Variants in ADGRL2 observed in about 807,000 individuals in gnomAD.
ADGRL2 encodes the protein adhesion G protein-coupled receptor L2.
A neutral mutation model predicts 157.4 loss-of-function variants in ADGRL2; 44 were observed. That is an observed-to-expected ratio of 0.28 (90% CI 0.22 to 0.36). ADGRL2 has a LOEUF of 0.36. Among genes scored for constraint, ADGRL2 ranks in the 10% least tolerant of loss-of-function variants. The probability of loss-of-function intolerance (pLI) is 1.00; values close to 1 mark genes in which losing one functional copy is unlikely to be tolerated. For missense variants in ADGRL2, 1,510 were observed against 1,768.9 expected, an observed-to-expected ratio of 0.85 and a Z score of 2.63; for synonymous variants, 585 against 624.7, an observed-to-expected ratio of 0.94 and a Z score of 0.95.
At chr1:81,367,502 A>C (rs1308994880) in intron 1 of ADGRL2, among the ~76,000 whole-genome samples, 1 of 152,188 alleles carries the variant, frequency 6.6e-6, no homozygotes, top group Admixed American at 6.6e-5. Flanking sequence ...TAGTTTGCCA[A>C]GGATAACCAT....
intron 2 of ADGRL2, among the ~76,000 whole-genome samples, chr1:81,843,950 C>T (rs1020879701): frequency 2.6e-5 from 4 of 152,038 alleles, no homozygotes; most frequent in African/African-American, 7.2e-5. Context: ...CCACAGTCTT[C>T]GTTGATTCAC....
intron 3 of ADGRL2, among the ~76,000 whole-genome samples, chr1:81,911,876 A>ATTT (rs543340647): frequency 0.044 from 5,341 of 120,628 alleles, 138 homozygotes; most frequent in South Asian, 0.085. Context: ...CCTGCCTCCC[A>ATTT]TTTTTTTTTT....
At chr1:81,488,462 G>C (rs568303013) in intron 2 of ADGRL2, among the ~76,000 whole-genome samples, 25 of 151,556 alleles carry the variant, frequency 1.6e-4, no homozygotes, top group African/African-American at 6.1e-4. Flanking sequence ...CACTTTGAGA[G>C]ACCGAGGCAT....
At chr1:81,924,288 A>G (rs2095054671) in intron 3 of ADGRL2, among the ~76,000 whole-genome samples, 1 of 152,152 alleles carries the variant, frequency 6.6e-6, no homozygotes, top group Non-Finnish European at 1.5e-5. Flanking sequence ...TACCTCAGGG[A>G]CTTAACGGTC....
Position 81,984,584 on chromosome 1 carries a change from T to C in ADGRL2, c.3284T>C (p.Val1095Ala). 1.2e-6 allele frequency: 2 copies of C among 1,603,392 alleles called. No homozygotes were observed. The highest frequency in any genetic ancestry group is 4.5e-5 in the East Asian group (2 of 44,612). ...FIFHCALQKKVRKEYGKCFRH... is the reference protein window; with the variant it reads ...FIFHCALQKKARKEYGKCFRH... Reference sequence around the variant, plus strand: ...TGGTCTTGTGATTATTCAATGCAGGTACGAAAAGAATATGGCAAGTGCTTC... The same window carrying C: ...TGGTCTTGTGATTATTCAATGCAGGCACGAAAAGAATATGGCAAGTGCTTC... The change falls in exon 20 of 24, where the codon GTA (valine) becomes GCA (alanine). Residue 1095 changes from valine (V) to alanine (A), a missense_variant and splice_region_variant. Val to Ala is a moderately conservative substitution (Grantham distance 64). This residue lies in a region of ADGRL2 where 497 missense variants were observed against 627.2 expected (regional missense o/e 0.79). Coordinates refer to ENST00000686636, the MANE Select transcript of ADGRL2 (RefSeq NM_001366006.2).
chr1:81,363,280 T>C (rs1300214683), intron 1 of ADGRL2, among the ~76,000 whole-genome samples: 1 of 152,088 alleles, frequency 6.6e-6, no homozygotes, highest in East Asian at 1.9e-4. Context: ...AGCAATTCCC[T>C]AGCTACAGTC....
At chr1:81,721,105 C>G (rs773605106) in intron 1 of ADGRL2, among the ~76,000 whole-genome samples, 16 of 149,166 alleles carry the variant, frequency 1.1e-4, no homozygotes, top group Admixed American at 5.4e-4. Flanking sequence ...CTCCTAGACA[C>G]AAGCGATCCT....
chr1:81,642,974 T>C (rs1382057559), intron 3 of ADGRL2, among the ~76,000 whole-genome samples: 1 of 152,172 alleles, frequency 6.6e-6, no homozygotes, highest in Non-Finnish European at 1.5e-5. Flanking sequence ...AGCTAACATC[T>C]TACTTAGTGG....
intron 1 of ADGRL2, among the ~76,000 whole-genome samples, chr1:81,321,833 G>GAA (rs35262833): frequency 2.4e-4 from 34 of 144,662 alleles, no homozygotes; most frequent in Middle Eastern, 3.5e-3. Context: ...ACATGCTGTT[G>GAA]AAAAAAAAAA....
chr1:81,579,543 T>C (rs2080863947), intron 2 of ADGRL2, among the ~76,000 whole-genome samples: 1 of 152,186 alleles, frequency 6.6e-6, no homozygotes, highest in Non-Finnish European at 1.5e-5. Flanking sequence ...ATATATTTGA[T>C]GGTGAAAAAG....
At chr1:81,712,755 A>ATTTTTTTTTTTTTTTTTTTTTTTTTTTT (rs60265943) in intron 1 of ADGRL2, among the ~76,000 whole-genome samples, 1 of 100,250 alleles carries the variant, frequency 1.0e-5, no homozygotes. Flanking sequence ...TGGATCGCGG[A>ATTTTTTTTTTTTTTTTTTTTTTTTTTTT]TTTTTTTTTT....
intron 20 of ADGRL2, among the ~76,000 whole-genome samples, chr1:81,984,987 A>G (rs1662744767): frequency 6.6e-6 from 1 of 152,104 alleles, no homozygotes; most frequent in Non-Finnish European, 1.5e-5. Context: ...CAGGCACTCA[A>G]TAAACATATA....
intron 2 of ADGRL2, among the ~76,000 whole-genome samples, chr1:81,479,158 A>AT (rs769312811): frequency 2.4e-4 from 36 of 151,558 alleles, no homozygotes; most frequent in Admixed American, 5.3e-4. Context: ...TGATTAAAAT[A>AT]TTTTTTTCTT....
intron 3 of ADGRL2, among the ~76,000 whole-genome samples, chr1:81,616,934 T>C (rs959117443): frequency 5.3e-5 from 8 of 152,182 alleles, no homozygotes; most frequent in African/African-American, 1.9e-4. Flanking sequence ...CACCTTGGCC[T>C]CCCAAAGTGC....
At position 81,984,666 on chromosome 1, in the gene ADGRL2, G is replaced by A. The variant is rs1267367120; in HGVS notation, c.3366G>A (p.Lys1122=). The A allele has an allele frequency of 6.8e-6, 11 of 1,612,872 alleles. No homozygotes were observed. The highest frequency in any genetic ancestry group is 9.3e-6 in the Non-Finnish European group (11 of 1,179,228). Residue 1122 remains lysine, a synonymous_variant, in exon 20 of 24, where the codon AAG becomes AAA. Transcript: ENST00000686636. The part of the protein sequence containing the change: ...LPTESPHSSV[K]ASTTRTSARY... ...CTGAGAGTCCCCACAGTTCAGTGAA[G>A]GCATCAACCACCAGAACCAGTGCTC...
At chr1:81,820,876 A>G (rs1557706889) in intron 1 of ADGRL2, among the ~76,000 whole-genome samples, 1 of 152,204 alleles carries the variant, frequency 6.6e-6, no homozygotes, top group Non-Finnish European at 1.5e-5. Context: ...ACATGCAAGT[A>G]GGAATCTTTT....
intron 1 of ADGRL2, among the ~76,000 whole-genome samples, chr1:81,703,169 A>G (rs1295283855): frequency 6.6e-6 from 1 of 152,234 alleles, no homozygotes; most frequent in Non-Finnish European, 1.5e-5. Context: ...CACAGAAGAC[A>G]TATTTCAAGG....
At chr1:81,435,886 C>T (rs921097655) in intron 1 of ADGRL2, among the ~76,000 whole-genome samples, 6 of 152,004 alleles carry the variant, frequency 3.9e-5, no homozygotes, top group Non-Finnish European at 5.9e-5. Context: ...CACCTGAGGT[C>T]GGGAGTTTGA....
At chr1:81,859,487 A>G (rs2093322246) in intron 2 of ADGRL2, among the ~76,000 whole-genome samples, 1 of 149,538 alleles carries the variant, frequency 6.7e-6, no homozygotes, top group Non-Finnish European at 1.5e-5. Context: ...GCCTACTGCA[A>G]CCTCCACCTT....
Sources: gnomAD v4.1 joint callset for allele counts (sites outside exome capture counted in the v4.1 genomes callset) on GRCh38, gnomAD v4.1.1 for gene constraint, gnomAD v4.1.1 regional missense constraint, MANE v1.5 for transcripts, NCBI Gene and HGNC (gene_info 2026-07-23, HGNC 2026-07-21) for gene names.